The following FLYWCH1 variants were observed in gnomAD, a reference collection of about 807,000 sequenced individuals.
The protein encoded by FLYWCH1 is FLYWCH-type zinc finger-containing protein 1.
In FLYWCH1, 75 loss-of-function variants were observed where a neutral mutation model predicts 66.4. The observed-to-expected ratio is 1.13, with a 90% CI of 0.94 to 1.37. The LOEUF is 1.37. FLYWCH1 is among the 40% of genes most tolerant of loss of function. The pLI is 0.00. For missense variants in FLYWCH1, 1,334 were observed against 1,001.8 expected, an observed-to-expected ratio of 1.33 and a Z score of -4.48; for synonymous variants, 595 against 429.9, an observed-to-expected ratio of 1.38 and a Z score of -4.75.
rs561208649 is a variant in FLYWCH1, at chr16:2,933,940, C to G, written c.1474C>G (p.Arg492Gly). ...DLGGLEALRQ[R>G]EKRPNTAQRG... ...GGGAGGCCTGGAGGCCCTGAGGCAG[C>G]GGGAGAAACGCCCCAACACGGCGCA... The change falls in exon 6 of 10, where the codon CGG becomes GGG. Residue 492 changes from arginine to glycine, a missense_variant. Arg to Gly is a moderately radical substitution (Grantham distance 125, BLOSUM62 -2). Coordinates refer to ENST00000253928, the MANE Select transcript of FLYWCH1 (RefSeq NM_001308068.2). The G allele has an allele frequency of 4.5e-5, 71 of 1,562,610 alleles. No homozygotes were observed. Among genetic ancestry groups the G allele is most frequent in the South Asian group, 2.9e-4 (25 of 85,320 alleles).
intron 9 of FLYWCH1, among the ~76,000 whole-genome samples, chr16:2,946,322 T>TTC (rs1487894923): frequency 7.8e-5 from 11 of 140,482 alleles, no homozygotes; most frequent in African/African-American, 2.9e-4. Flanking sequence ...TGTACTTTTT[T>TTC]TTTTTTTTTT....
At position 2,933,297 on chromosome 16, in the gene FLYWCH1, C is replaced by A; in HGVS notation, c.964C>A (p.Arg322=). Residue 322 remains arginine (R), a synonymous_variant, in exon 5 of 10, where the codon CGG becomes AGG. Coordinates refer to ENST00000253928, the MANE Select transcript of FLYWCH1 (RefSeq NM_001308068.2). ...GAGCCGGGCCATCACCCAGGGACAG[C>A]GGGTGACTGTGATGCGTGGGCACTG... The part of the protein sequence containing the change: ...CRSRAITQGQ[R]VTVMRGHCHQ... The A allele has an allele frequency of 6.2e-7, 1 of 1,611,686 alleles. No individual in the cohort carries two copies. Among genetic ancestry groups the A allele is most frequent in the Non-Finnish European group, 8.5e-7 (1 of 1,179,300 alleles).
chr16:2,925,536 G>A (rs532648157), intron 2 of FLYWCH1, among the ~76,000 whole-genome samples: 64 of 131,776 alleles, frequency 4.9e-4, no homozygotes, highest in Non-Finnish European at 7.3e-4. Context: ...AAGGACTTGT[G>A]CCCAGGCCAA....
rs561208649 is a variant in FLYWCH1 at position 2,933,940 on chromosome 16, C to T, written c.1474C>T (p.Arg492Trp). The T allele has an allele frequency of 7.0e-5, 109 of 1,562,610 alleles. No individual in the cohort carries two copies. Among genetic ancestry groups the T allele is most frequent in the African/African-American group, 4.1e-5 (3 of 73,792 alleles). The stretch of plus-strand genomic sequence containing the variant: ...GGGAGGCCTGGAGGCCCTGAGGCAG[C>T]GGGAGAAACGCCCCAACACGGCGCA... The part of the protein sequence containing the change: ...DLGGLEALRQ[R>W]EKRPNTAQRG... Residue 492 changes from arginine (R) to tryptophan (W), a missense_variant, in exon 6 of 10, where the codon CGG becomes TGG. Arg to Trp is a moderately radical substitution (Grantham distance 101, BLOSUM62 -3). Transcript: ENST00000253928.
chr16:2,914,714 C>A (rs2070107233), intron 2 of FLYWCH1, among the ~76,000 whole-genome samples: 1 of 152,068 alleles, frequency 6.6e-6, no homozygotes, highest in South Asian at 2.1e-4. Flanking sequence ...GCCTGGCTAA[C>A]ATGGTGAAAC....
chr16:2,945,492 A>AC (rs1327982869), intron 9 of FLYWCH1, among the ~76,000 whole-genome samples: 1 of 148,652 alleles, frequency 6.7e-6, no homozygotes, highest in African/African-American at 2.5e-5. Context: ...TCTCAAAAAA[A>AC]AAAAAAAAAA....
At position 2,933,547 on chromosome 16, in the gene FLYWCH1, C is replaced by T. The variant is rs2070862778; in HGVS notation, c.1214C>T (p.Ala405Val). 1.9e-6 allele frequency: 3 copies of T among 1,605,670 alleles called. No homozygotes were observed. Among genetic ancestry groups the T allele is most frequent in the African/African-American group, 2.7e-5 (2 of 74,602 alleles). Reference sequence around the variant, plus strand: ...CAGGAGCTGCCAACCCAGCCCGAGGCCCCAGACGAGCACCAGGACATGGAC... The same window carrying T: ...CAGGAGCTGCCAACCCAGCCCGAGGTCCCAGACGAGCACCAGGACATGGAC... ...EDQELPTQPE[A>V]PDEHQDMDAD... Residue 405 changes from alanine to valine, a missense_variant, in exon 5 of 10, where the codon GCC (alanine) becomes GTC (valine). Physicochemically the swap from Ala to Val is moderately conservative, Grantham distance 64. Transcript: ENST00000253928.
In FLYWCH1 at chr16:2,929,796, G is replaced by A. The variant is rs1158776324; in HGVS notation, c.111G>A (p.Arg37=). The A allele has an allele frequency of 5.0e-6, 8 of 1,613,846 alleles. No homozygotes were observed. The East Asian group carries it at 1.6e-4, about 31-fold the overall frequency. Residue 37 remains arginine (R), a synonymous_variant, in exon 3 of 10, where the codon AGG becomes AGA. Transcript: ENST00000253928. ...TCCCGGCAGCCCCCAGGAAGCCCAG[G>A]GAGTTCTCCAAACTGGTGCTGCTCA... The part of the protein sequence containing the change: ...DVIPAAPRKP[R]EFSKLVLLTA...
intron 9 of FLYWCH1, among the ~76,000 whole-genome samples, chr16:2,941,372 T>C (rs562383552): frequency 6.4e-4 from 98 of 152,320 alleles, no homozygotes; most frequent in Non-Finnish European, 1.0e-3. Flanking sequence ...CTGAAAGCCG[T>C]GCTTAGAGGG....
chr16:2,936,273 C>G (rs1239360075), intron 6 of FLYWCH1: 1 of 392,076 alleles, frequency 2.6e-6, no homozygotes, highest in Non-Finnish European at 5.1e-6. Context: ...CACACCACCC[C>G]CTCCCGTGGC....
At chr16:2,922,906 G>A (rs1218238254) in intron 2 of FLYWCH1, 1 of 524,174 alleles carries the variant, frequency 1.9e-6, no homozygotes, top group Admixed American at 1.9e-5. Flanking sequence ...TGATCGCATA[G>A]TGGTCAAGCT....
chr16:2,920,624 C>G (rs1026281663), intron 2 of FLYWCH1, among the ~76,000 whole-genome samples: 1 of 151,922 alleles, frequency 6.6e-6, no homozygotes, highest in Non-Finnish European at 1.5e-5. Flanking sequence ...CTCTTGTTGC[C>G]CAGGCTGGAG....
intron 4 of FLYWCH1, among the ~76,000 whole-genome samples, chr16:2,932,524 T>A (rs1296817969): frequency 6.6e-6 from 1 of 151,976 alleles, no homozygotes; most frequent in African/African-American, 2.4e-5. Context: ...GGACATGGGC[T>A]TGGGTTCGAG....
chr16:2,912,487 C>T (rs1213440551), intron 1 of FLYWCH1, among the ~76,000 whole-genome samples: 4 of 152,236 alleles, frequency 2.6e-5, no homozygotes, highest in Admixed American at 6.5e-5. Context: ...TCGGGCGGTC[C>T]CAGTGACCTT....
intron 2 of FLYWCH1, among the ~76,000 whole-genome samples, chr16:2,920,407 C>G (rs956365509): frequency 1.3e-5 from 2 of 151,816 alleles, no homozygotes; most frequent in African/African-American, 4.8e-5. Context: ...CCCAGCTACT[C>G]AGGAGGCTGA....
chr16:2,936,928 C>A (rs968108576), intron 6 of FLYWCH1, 193 bp from the exon 7 acceptor site: 5 of 746,316 alleles, frequency 6.7e-6, no homozygotes, highest in Non-Finnish European at 1.1e-5. Flanking sequence ...CAGTCCCCAG[C>A]CTCAGGAGGC....
intron 4 of FLYWCH1, among the ~76,000 whole-genome samples, chr16:2,931,909 T>G (rs570456521): frequency 5.9e-5 from 9 of 151,940 alleles, no homozygotes; most frequent in Admixed American, 4.6e-4. Flanking sequence ...GTCAGGAGAT[T>G]GAGACCATCC....
intron 3 of FLYWCH1, 142 bp downstream of exon 3, chr16:2,930,152 A>T: frequency 1.3e-6 from 1 of 787,088 alleles, no homozygotes; most frequent in South Asian, 1.8e-5. Flanking sequence ...AGCGTGTCCG[A>T]GGCTGGTGGG....
intron 9 of FLYWCH1, among the ~76,000 whole-genome samples, chr16:2,948,176 C>G (rs2071561938): frequency 6.6e-6 from 1 of 152,146 alleles, no homozygotes; most frequent in African/African-American, 2.4e-5. Flanking sequence ...CCCAAACATG[C>G]TGGTGTGGGA....
Sources: gnomAD v4.1 joint callset for allele counts (sites outside exome capture counted in the v4.1 genomes callset) on GRCh38, gnomAD v4.1.1 for gene constraint, MANE v1.5 for transcripts, NCBI Gene and HGNC (gene_info 2026-07-23, HGNC 2026-07-21) for gene names.